The following CDH20 variants were observed in gnomAD, a reference collection of about 807,000 sequenced individuals.
CDH20 encodes cadherin 20, also known as cadherin-20.
CDH20 carries 29 observed loss-of-function variants against 74.2 expected under a neutral mutation model. That is an observed-to-expected ratio of 0.39 (90% CI 0.29 to 0.53). The LOEUF is 0.53. CDH20 is among the 20% of genes least tolerant of loss of function. The pLI is 0.69. For synonymous variants in CDH20, 469 were observed against 405.4 expected, an observed-to-expected ratio of 1.16 and a Z score of -1.88; for missense variants, 988 against 1,048.3, an observed-to-expected ratio of 0.94 and a Z score of 0.79.
At chr18:61,446,550 A>T (rs1216017067) in intron 1 of CDH20, among the ~76,000 whole-genome samples, 1 of 151,942 alleles carries the variant, frequency 6.6e-6, no homozygotes, top group Non-Finnish European at 1.5e-5. Context: ...CCTCTTCATT[A>T]TCTACTCTCT....
In CDH20 at chr18:61,490,655, G is replaced by A. The variant is rs774221307; in HGVS notation, c.102G>A (p.Ser34=). 15 of 1,613,860 alleles carry A rather than the reference G, an allele frequency of 9.3e-6. No homozygotes were observed. The highest frequency in any genetic ancestry group is 4.5e-5 in the East Asian group (2 of 44,886). ...GLMDLTTTVL[S]DTPTPQGELE... ...TGGACCTTACGACCACCGTTCTCTC[G>A]GACACCCCAACACCACAAGGTGAAT... The change falls in exon 2 of 12, where the codon TCG becomes TCA. Residue 34 remains serine, a synonymous_variant. Transcript: ENST00000262717.
rs574016271 is a variant in CDH20 at position 61,554,535 on chromosome 18, T to C, written c.2246T>C (p.Met749Thr). 1.4e-5 allele frequency: 22 copies of C among 1,613,074 alleles called. No homozygotes were observed. Among genetic ancestry groups the C allele is most frequent in the Admixed American group, 6.7e-5 (4 of 59,996 alleles). Residue 749 changes from methionine to threonine, a missense_variant, in exon 12 of 12, where the codon ATG becomes ACG. Around this residue, in one of 2 missense-constraint regions of CDH20, gnomAD observed 375 missense variants for 293.1 expected, o/e 1.28. Coordinates refer to ENST00000262717, the MANE Select transcript of CDH20 (RefSeq NM_031891.4). The part of the protein sequence containing the change: ...APPFDSLQTY[M>T]FEGDGSVAGS... ...CCCTTCGACTCCCTCCAGACGTATA[T>C]GTTCGAGGGGGACGGCTCTGTGGCG... is the stretch of plus-strand genomic sequence containing the variant.
At chr18:61,340,883 C>T (rs917286591) in intron 1 of CDH20, among the ~76,000 whole-genome samples, 2 of 152,128 alleles carry the variant, frequency 1.3e-5, no homozygotes, top group Non-Finnish European at 2.9e-5. Flanking sequence ...TTTGAAAGGG[C>T]TACCAAATAT....
At chr18:61,494,977 C>A (rs544380127) in intron 2 of CDH20, among the ~76,000 whole-genome samples, 2 of 152,272 alleles carry the variant, frequency 1.3e-5, no homozygotes, top group Admixed American at 1.3e-4. Flanking sequence ...TTCTTCAGGA[C>A]CTGCTTGTAC....
intron 4 of CDH20, 100 bp from the exon 5 acceptor site, chr18:61,502,853 C>T (rs958076242): frequency 1.1e-6 from 1 of 946,496 alleles, no homozygotes; most frequent in Non-Finnish European, 1.6e-6. Flanking sequence ...CACCTCACTT[C>T]TAGGCATTAA....
At chr18:61,404,859 T>G (rs1399890221) in intron 1 of CDH20, 1 of 452,534 alleles carries the variant, frequency 2.2e-6, no homozygotes, top group Non-Finnish European at 4.0e-6. Flanking sequence ...TTGCATGGTT[T>G]ATTTTTCACC....
At chr18:61,408,791 A>T (rs987581673) in intron 1 of CDH20, among the ~76,000 whole-genome samples, 30 of 152,198 alleles carry the variant, frequency 2.0e-4, no homozygotes, top group Non-Finnish European at 1.0e-4. Context: ...AAAAAACAAA[A>T]CAAACAAACA....
chr18:61,477,845 CTAATT>C (rs1299266108), intron 1 of CDH20, among the ~76,000 whole-genome samples: 1 of 152,072 alleles, frequency 6.6e-6, no homozygotes, highest in Non-Finnish European at 1.5e-5. Flanking sequence ...TTAATGTTTG[CTAATT>C]TAATAGGTTG....
chr18:61,480,740 T>C (rs1159441281), intron 1 of CDH20, among the ~76,000 whole-genome samples: 1 of 152,200 alleles, frequency 6.6e-6, no homozygotes, highest in African/African-American at 2.4e-5. Flanking sequence ...ATTTCTCAAA[T>C]CCCAATTTCC....
At chr18:61,484,403 C>A (rs376532177) in intron 1 of CDH20, among the ~76,000 whole-genome samples, 47 of 152,242 alleles carry the variant, frequency 3.1e-4, no homozygotes, top group African/African-American at 9.9e-4. Flanking sequence ...AGGATTAAAA[C>A]ATTTACTAGA....
chr18:61,378,657 C>T (rs749976367), intron 1 of CDH20, among the ~76,000 whole-genome samples: 3 of 152,158 alleles, frequency 2.0e-5, no homozygotes, highest in Non-Finnish European at 4.4e-5. Flanking sequence ...TGCCACAGCC[C>T]AGTCAAGTTG....
chr18:61,490,903 T>G, intron 2 of CDH20, 104 bp downstream of exon 2: 4 of 1,260,292 alleles, frequency 3.2e-6, no homozygotes, highest in Non-Finnish European at 4.5e-6. Context: ...TGAGAAAAAC[T>G]AGAACAAGTG....
At chr18:61,439,764 A>C (rs1006846584) in intron 1 of CDH20, among the ~76,000 whole-genome samples, 1 of 152,180 alleles carries the variant, frequency 6.6e-6, no homozygotes, top group African/African-American at 2.4e-5. Flanking sequence ...AATATGGGGT[A>C]GATAAAATTA....
intron 6 of CDH20, among the ~76,000 whole-genome samples, chr18:61,518,204 T>G (rs555728104): frequency 1.4e-4 from 22 of 152,296 alleles, no homozygotes; most frequent in Non-Finnish European, 2.5e-4. Context: ...TTCAGCAGAC[T>G]TAAATGCTCC....
chr18:61,475,662 A>T (rs184907112), intron 1 of CDH20, among the ~76,000 whole-genome samples: 439 of 152,310 alleles, frequency 2.9e-3, no homozygotes, highest in African/African-American at 0.01. Flanking sequence ...GATATCATTG[A>T]TATAGAACCT....
At chr18:61,486,391 C>T (rs1300981366) in intron 1 of CDH20, among the ~76,000 whole-genome samples, 1 of 152,168 alleles carries the variant, frequency 6.6e-6, no homozygotes, top group African/African-American at 2.4e-5. Flanking sequence ...TACTGAAATA[C>T]ACGAACAACT....
At chr18:61,453,059 C>A (rs1230864251) in intron 1 of CDH20, among the ~76,000 whole-genome samples, 1 of 152,136 alleles carries the variant, frequency 6.6e-6, no homozygotes, top group African/African-American at 2.4e-5. Flanking sequence ...TATAGTCCAA[C>A]ATCCCAGCCA....
chr18:61,527,385 A>AGATAGAT (rs1264820793), intron 6 of CDH20, among the ~76,000 whole-genome samples: 13 of 150,434 alleles, frequency 8.6e-5, no homozygotes, highest in South Asian at 4.2e-4. Context: ...ATAGATAGAT[A>AGATAGAT]GATAGATAGA....
intron 7 of CDH20, among the ~76,000 whole-genome samples, chr18:61,534,250 GTGTAGAAAAAGGGAA>G (rs1294634152): frequency 2.6e-5 from 4 of 152,210 alleles, no homozygotes; most frequent in African/African-American, 9.7e-5. Context: ...TGGCTGGGGT[GTGTAGAAAAAGGGAA>G]CCCTTGCACA....
Sources: allele counts gnomAD v4.1 joint callset (sites outside exome capture counted in the v4.1 genomes callset), GRCh38; gene constraint gnomAD v4.1.1; regional missense constraint gnomAD v4.1.1; transcripts MANE v1.5; gene names NCBI Gene and HGNC (gene_info 2026-07-23, HGNC 2026-07-21).